TMEM154: variants seen among roughly 807,000 people sequenced by gnomAD.
TMEM154 encodes transmembrane protein 154.
In TMEM154, 27 loss-of-function variants were observed where a neutral mutation model predicts 24.5. The observed-to-expected ratio is 1.10, with a 90% CI of 0.81 to 1.52. TMEM154 has a LOEUF of 1.52. Among genes scored for constraint, TMEM154 ranks in the 40% most tolerant of loss-of-function variants. The pLI, the probability that TMEM154 is intolerant of heterozygous loss-of-function variation, is 0.00. For missense variants in TMEM154, 228 were observed against 213.4 expected, an observed-to-expected ratio of 1.07 and a Z score of -0.43; for synonymous variants, 67 against 76.8, an observed-to-expected ratio of 0.87 and a Z score of 0.67.
At chr4:152,636,356 T>C (rs1752149040) in intron 6 of TMEM154, among the ~76,000 whole-genome samples, 2 of 152,214 alleles carry the variant, frequency 1.3e-5, no homozygotes, top group South Asian at 4.1e-4. Flanking sequence ...GCCAGGCACA[T>C]AGCAGGTATG....
At chr4:152,669,230 TG>T (rs1376849231) in intron 1 of TMEM154, 1 of 152,246 alleles carries the variant, frequency 6.6e-6, no homozygotes, top group Non-Finnish European at 1.5e-5. Context: ...TTTATTTGAA[TG>T]GTTGATCTAG....
intron 3 of TMEM154, among the ~76,000 whole-genome samples, chr4:152,649,305 G>A (rs977940178): frequency 2.0e-5 from 3 of 152,194 alleles, no homozygotes; most frequent in African/African-American, 2.4e-5. Context: ...AATCGAATCC[G>A]AGCGAGTTTT....
At chr4:152,679,375 CT>C (rs370759340) in intron 1 of TMEM154, among the ~76,000 whole-genome samples, 1,758 of 141,358 alleles carry the variant, frequency 0.012, 12 homozygotes, top group African/African-American at 0.035. Context: ...TTCCCGTTTC[CT>C]TTTTTTTTTT....
At chr4:152,656,404 T>C (rs1211464394) in intron 1 of TMEM154, among the ~76,000 whole-genome samples, 2 of 152,262 alleles carry the variant, frequency 1.3e-5, no homozygotes, top group East Asian at 3.9e-4. Flanking sequence ...CTGGCCCACC[T>C]GGTATCCTAG....
chr4:152,649,160 A>G (rs894778727), intron 3 of TMEM154, among the ~76,000 whole-genome samples: 36 of 152,260 alleles, frequency 2.4e-4, no homozygotes, highest in Non-Finnish European at 3.4e-4. Context: ...CATGGCCCCA[A>G]AGCCAGAGGT....
At chr4:152,675,156 C>CAAAA (rs368552348) in intron 1 of TMEM154, among the ~76,000 whole-genome samples, 115 of 82,704 alleles carry the variant, frequency 1.4e-3, no homozygotes, top group East Asian at 1.9e-3. Context: ...GGCTCCATCT[C>CAAAA]AAAAAAAAAA....
chr4:152,631,137 A>G (rs1216420434), intron 6 of TMEM154, among the ~76,000 whole-genome samples: 1 of 152,198 alleles, frequency 6.6e-6, no homozygotes, highest in African/African-American at 2.4e-5. Flanking sequence ...ATTATATACA[A>G]TTTTAAAGCT....
At chr4:152,661,342 C>CTCTT (rs1728608479) in intron 1 of TMEM154, among the ~76,000 whole-genome samples, 1 of 136,856 alleles carries the variant, frequency 7.3e-6, no homozygotes, top group African/African-American at 2.8e-5. Flanking sequence ...CTCTCTCTCT[C>CTCTT]CCCCCAACTC....
intron 6 of TMEM154, among the ~76,000 whole-genome samples, chr4:152,632,527 A>G (rs1470806971): frequency 2.0e-5 from 3 of 152,232 alleles, no homozygotes; most frequent in Non-Finnish European, 2.9e-5. Context: ...GATTTTTAAG[A>G]TGACTGGGTT....
intron 6 of TMEM154, among the ~76,000 whole-genome samples, chr4:152,630,644 A>C (rs1752021523): frequency 6.6e-6 from 1 of 152,216 alleles, no homozygotes; most frequent in African/African-American, 2.4e-5. Context: ...TTTTGTCCAC[A>C]ACATTAATCT....
intron 6 of TMEM154, among the ~76,000 whole-genome samples, chr4:152,629,230 G>C (rs531444305): frequency 6.6e-6 from 1 of 152,296 alleles, no homozygotes; most frequent in South Asian, 2.1e-4. Context: ...CTACGAATAC[G>C]TGCCAAATTG....
intron 1 of TMEM154, among the ~76,000 whole-genome samples, chr4:152,654,436 A>G (rs1197340753): frequency 6.6e-6 from 1 of 152,230 alleles, no homozygotes; most frequent in Non-Finnish European, 1.5e-5. Context: ...TCATAATCCC[A>G]TGACAATGGA....
chr4:152,628,847 A>T (rs561213028), intron 6 of TMEM154, among the ~76,000 whole-genome samples: 35 of 149,904 alleles, frequency 2.3e-4, no homozygotes, highest in South Asian at 6.3e-4. Context: ...GGGTTTCACC[A>T]TGTTAGCCAG....
At chr4:152,661,288 C>T (rs1015460329) in intron 1 of TMEM154, among the ~76,000 whole-genome samples, 48 of 37,710 alleles carry the variant, frequency 1.3e-3, no homozygotes, top group African/African-American at 4.5e-3. Flanking sequence ...TTCTCTTTCT[C>T]TCTCTCTCTC....
chr4:152,650,172 CTCTT>C (rs1451116151), intron 3 of TMEM154, among the ~76,000 whole-genome samples: 4 of 152,186 alleles, frequency 2.6e-5, no homozygotes, highest in African/African-American at 7.2e-5. Context: ...TTGATTGACT[CTCTT>C]TCACAAAGAT....
chr4:152,672,042 C>G lies in TMEM154; in HGVS notation c.64+7828G>C, dbSNP rs1471334483. 2.0e-5 allele frequency among the ~76,000 whole-genome samples: 3 copies of G among 148,164 alleles called. No homozygotes were observed. The East Asian group carries it at 6.0e-4, about 29-fold the overall frequency. ...GGTCTAAGTGGGAGGACGGCTTGAG[C>G]CCAAAAGTTCAAGGCCAGCTGAGCA... On this transcript the variant is annotated intron_variant, in intron 1 of 6. Coordinates refer to ENST00000304385, the MANE Select transcript of TMEM154 (RefSeq NM_152680.3).
At chr4:152,630,568 A>G (rs1475684992) in intron 6 of TMEM154, among the ~76,000 whole-genome samples, 1 of 152,178 alleles carries the variant, frequency 6.6e-6, no homozygotes, top group Non-Finnish European at 1.5e-5. Flanking sequence ...TTGTGACCTT[A>G]TCTTGAAATT....
At chr4:152,663,548 G>A (rs1283134909) in intron 1 of TMEM154, among the ~76,000 whole-genome samples, 4 of 152,250 alleles carry the variant, frequency 2.6e-5, no homozygotes, top group African/African-American at 9.6e-5. Flanking sequence ...GCCGAGGCTG[G>A]TAGCCTCATA....
intron 6 of TMEM154, among the ~76,000 whole-genome samples, chr4:152,637,917 G>A (rs1752182056): frequency 6.6e-6 from 1 of 152,154 alleles, no homozygotes; most frequent in Admixed American, 6.5e-5. Flanking sequence ...ATAAAATTAT[G>A]ACAGAAAAGA....
Sources: gnomAD v4.1 joint callset for allele counts (sites outside exome capture counted in the v4.1 genomes callset) on GRCh38, gnomAD v4.1.1 for gene constraint, MANE v1.5 for transcripts, NCBI Gene and HGNC (gene_info 2026-07-23, HGNC 2026-07-21) for gene names.